Variants in ELAVL3 observed in about 807,000 individuals in gnomAD.
ELAVL3 encodes ELAV like RNA binding protein 3, also known as ELAV-like protein 3.
A neutral mutation model predicts 34.2 loss-of-function variants in ELAVL3; 8 were observed. The observed-to-expected ratio is 0.23, with a 90% CI of 0.14 to 0.42. ELAVL3 has a LOEUF of 0.42. ELAVL3 is among the 10% of genes least tolerant of loss of function. The pLI is 1.00. For missense variants in ELAVL3, 273 were observed against 518.8 expected (o/e 0.53, Z 4.60); for synonymous variants, 209 against 222.1 (o/e 0.94, Z 0.53).
chr19:11,473,384 G>GAAAAGA (rs1265275438), intron 1 of ELAVL3, among the ~76,000 whole-genome samples: 5 of 151,938 alleles, frequency 3.3e-5, no homozygotes, highest in South Asian at 2.1e-4. Flanking sequence ...AAAGAGAAAA[G>GAAAAGA]AAAAGAAAAA....
chr19:11,465,020 TACACACACCAC>T (rs1256181544), intron 3 of ELAVL3, among the ~76,000 whole-genome samples: 14 of 49,742 alleles, frequency 2.8e-4, no homozygotes, highest in East Asian at 1.6e-3. Context: ...TACATACACA[TACACACACCAC>T]ACACACACCA....
Position 11,453,791 on chromosome 19 carries a change from AC to A in ELAVL3, c.*734del, listed in dbSNP as rs1470110877. The A allele has an allele frequency of 1.7e-5, 1 of 57,292 alleles. No homozygotes were observed. The highest frequency in any genetic ancestry group is 6.6e-5 in the African/African-American group (1 of 15,234). The allele number at this position is 57,292 out of a possible 1,614,324, so 3.5% of individuals were successfully genotyped here. ...AAGCCCTGCTCCCTGGGCCCCCCCC[AC>A]CCCCGCCCCAGTTGGTAAACATAAC... is the stretch of plus-strand genomic sequence containing the variant. On this transcript the variant is annotated 3_prime_UTR_variant, in exon 7 of 7. Coordinates refer to ENST00000359227, the MANE Select transcript of ELAVL3 (RefSeq NM_001420.4).
chr19:11,467,217 G>A (rs1224966058), intron 1 of ELAVL3, among the ~76,000 whole-genome samples: 3 of 152,068 alleles, frequency 2.0e-5, no homozygotes, highest in African/African-American at 7.2e-5. Flanking sequence ...GAGGTCGGGA[G>A]TTCGAGACCA....
In ELAVL3 at chr19:11,453,475, G is replaced by A. The variant is rs117845984; in HGVS notation, c.*1051C>T. 0.043 allele frequency: 6,575 copies of A among 152,842 alleles called. 172 individuals are homozygous for A. Among genetic ancestry groups the A allele is most frequent in the East Asian group, 0.079 (408 of 5,188 alleles). 9.5% of individuals were successfully genotyped at this position (152,842 alleles called of 1,614,324 possible). A position where few individuals can be genotyped will look rare whatever the true frequency, so the allele number is the denominator to read the frequency against. On this transcript the variant is annotated 3_prime_UTR_variant, in exon 7 of 7. Coordinates refer to ENST00000359227, the MANE Select transcript of ELAVL3 (RefSeq NM_001420.4). ...TCCTGGGTGGTGTTTGTGTTTCTCC[G>A]TGACCTGGTGTCCAAATTTGATGTC...
At chr19:11,474,985 C>T (rs538656243) in intron 1 of ELAVL3, among the ~76,000 whole-genome samples, 115 of 152,216 alleles carry the variant, frequency 7.6e-4, no homozygotes, top group African/African-American at 1.1e-3. Context: ...CCCACCACCA[C>T]GCCTGGCTAA....
rs1292207004 is a variant in ELAVL3, at chr19:11,458,855, A to G, written c.334-244T>C. On this transcript the variant is annotated intron_variant, in intron 3 of 6. Transcript: ENST00000359227. The surrounding 1 kb of genome is among the most constrained non-coding windows in gnomAD (Gnocchi z 7.3). Reference sequence around the variant, plus strand: ...TGGGGACCTGCCACCTAGGGAGGACATGTCTCCCTGGGGTGACATGTGACC... The same window carrying G: ...TGGGGACCTGCCACCTAGGGAGGACGTGTCTCCCTGGGGTGACATGTGACC... 1.3e-5 allele frequency among the ~76,000 whole-genome samples: 2 copies of G among 152,044 alleles called. No individual in the cohort carries two copies. Among genetic ancestry groups the G allele is most frequent in the East Asian group, 3.8e-4 (2 of 5,196 alleles).
At chr19:11,461,510 T>C (rs1387266316) in intron 3 of ELAVL3, among the ~76,000 whole-genome samples, 3 of 143,398 alleles carry the variant, frequency 2.1e-5, no homozygotes, top group African/African-American at 7.8e-5. Context: ...CTTCCTTCTT[T>C]CCTTCCACTC....
chr19:11,478,726 G>C (rs1301518377), intron 1 of ELAVL3, among the ~76,000 whole-genome samples: 1 of 151,742 alleles, frequency 6.6e-6, no homozygotes, highest in Admixed American at 6.6e-5. Context: ...TTCCACCATC[G>C]CACATACATC....
intron 1 of ELAVL3, among the ~76,000 whole-genome samples, chr19:11,470,512 C>CA (rs56714750): frequency 0.13 from 16,234 of 124,752 alleles, 1,731 homozygotes; most frequent in African/African-American, 0.31. Flanking sequence ...ACTAGAAATA[C>CA]AAAAAAAAAA....
rs755203589 is a variant in ELAVL3 at position 11,454,837 on chromosome 19, C to T, written c.793G>A (p.Asp265Asn). 3.7e-6 allele frequency: 6 copies of T among 1,606,714 alleles called. No homozygotes were observed. Among genetic ancestry groups the T allele is most frequent in the Middle Eastern group, 1.7e-4 (1 of 6,058 alleles). ...ACGCCCGCCAGGCCGCTCATACCAT[C>T]GATGGCGATCGGCGAGAACCTGGCG... The part of the protein sequence containing the change: ...LIARFSPIAI[D>N]GMSGLAGVGL... The change falls in exon 7 of 7, where the codon GAT (aspartate) becomes AAT (asparagine). Residue 265 changes from aspartate to asparagine, a missense_variant. Transcript: ENST00000359227. This position sits in a 1 kb window ranked among gnomAD's most constrained non-coding sequence, Gnocchi z 9.2.
chr19:11,469,878 C>G (rs980644938), intron 1 of ELAVL3, among the ~76,000 whole-genome samples: 3 of 151,720 alleles, frequency 2.0e-5, no homozygotes, highest in Non-Finnish European at 1.5e-5. Context: ...GGCAACATGG[C>G]GAAACCCTGT....
intron 1 of ELAVL3, among the ~76,000 whole-genome samples, chr19:11,468,592 T>C (rs1457922491): frequency 1.3e-5 from 2 of 152,066 alleles, no homozygotes; most frequent in African/African-American, 4.8e-5. Context: ...TTTTTTTGTG[T>C]GTTTTTAGTA....
intron 1 of ELAVL3, among the ~76,000 whole-genome samples, chr19:11,478,500 C>G (rs1270125214): frequency 6.6e-6 from 1 of 152,130 alleles, no homozygotes. Context: ...TGGCCCCAGA[C>G]AGAGATGGGG....
rs1970656425 is a variant in ELAVL3, at chr19:11,452,053, A to T, written c.*2473T>A. 6.6e-6 allele frequency: 1 copy of T among 152,258 alleles called. No homozygotes were observed. The highest frequency in any genetic ancestry group is 2.4e-5 in the African/African-American group (1 of 41,458). 9.4% of individuals were successfully genotyped at this position (152,258 alleles called of 1,614,324 possible). On this transcript the variant is annotated 3_prime_UTR_variant, in exon 7 of 7. Coordinates refer to ENST00000359227, the MANE Select transcript of ELAVL3 (RefSeq NM_001420.4). ...ACCACGAGAATAAATAGGTTCGTGT[A>T]TCAAGAACAAGCTAGGGATTTCACC... is the stretch of plus-strand genomic sequence containing the variant.
rs1304058631 is a variant in ELAVL3 at position 11,454,545 on chromosome 19, C to G, written c.1085G>C (p.Ser362Thr). The change falls in exon 7 of 7, where the codon AGC becomes ACC. Residue 362 changes from serine to threonine, a missense_variant. Coordinates refer to ENST00000359227, the MANE Select transcript of ELAVL3 (RefSeq NM_001420.4). This position sits in a 1 kb window ranked among gnomAD's most constrained non-coding sequence, Gnocchi z 9.2. ...GTGGGCTCACGCCTTGTGCTGTTTG[C>G]TGGTCTTGAAGGAGACCTGCAGCAC... ...ERVLQVSFKT[S>T]KQHKA 6.2e-7 allele frequency: 1 copy of G among 1,609,848 alleles called. No individual in the cohort carries two copies. The highest frequency in any genetic ancestry group is 1.7e-5 in the Admixed American group (1 of 59,906).
chr19:11,454,181 G>A lies in ELAVL3; in HGVS notation c.*345C>T. On this transcript the variant is annotated 3_prime_UTR_variant, in exon 7 of 7. Coordinates refer to ENST00000359227, the MANE Select transcript of ELAVL3 (RefSeq NM_001420.4). The surrounding 1 kb of genome is among the most constrained non-coding windows in gnomAD (Gnocchi z 9.2). ...GAGCCCCCCAAGCCATCCCATCGGG[G>A]GTGGTCGAGGGTGGGGGTGGGGGCA... 2 of 227,964 alleles carry A rather than the reference G, an allele frequency of 8.8e-6. No individual in the cohort carries two copies. Among genetic ancestry groups the A allele is most frequent in the Non-Finnish European group, 1.7e-5 (2 of 114,974 alleles). 14.1% of individuals were successfully genotyped at this position (227,964 alleles called of 1,614,324 possible).
chr19:11,455,228 AG>A (rs1476701024), intron 6 of ELAVL3, among the ~76,000 whole-genome samples: 1 of 150,502 alleles, frequency 6.6e-6, no homozygotes, highest in Non-Finnish European at 1.5e-5. Flanking sequence ...TCGAACTCTC[AG>A]GCTCAAGCAA....
Position 11,466,601 on chromosome 19 carries a change from G to A in ELAVL3, c.229+7C>T. The A allele has an allele frequency of 1.9e-6, 3 of 1,613,610 alleles. No individual in the cohort carries two copies. The highest frequency in any genetic ancestry group is 2.5e-6 in the Non-Finnish European group (3 of 1,179,926). On this transcript the variant is annotated splice_region_variant and intron_variant, in intron 2 of 6. Transcript: ENST00000359227. The surrounding 1 kb of genome is among the most constrained non-coding windows in gnomAD (Gnocchi z 5.0). ...TCTGTTCCTCCCCGCAACTCCAGCA[G>A]CCACACCTGTGATCTTGTCCCGAAC...
In ELAVL3 at chr19:11,466,514, C is replaced by T. The variant is rs530577966; in HGVS notation, c.229+94G>A. The T allele has an allele frequency of 7.7e-6, 11 of 1,423,754 alleles. No individual in the cohort carries two copies. The highest frequency in any genetic ancestry group is 2.8e-5 in the African/African-American group (2 of 70,968). The allele number at this position is 1,423,754 out of a possible 1,614,324, so 88.2% of individuals were successfully genotyped here. ...GACCACCTCCTGCCTCGATTACCCCCGAGACACCTCAGCAAGGGTCCCACC... is the reference window on the plus strand; with the variant it reads ...GACCACCTCCTGCCTCGATTACCCCTGAGACACCTCAGCAAGGGTCCCACC... On this transcript the variant is annotated intron_variant, in intron 2 of 6. Transcript: ENST00000359227. The surrounding 1 kb of genome is among the most constrained non-coding windows in gnomAD (Gnocchi z 5.0).
Sources: allele counts gnomAD v4.1 joint callset (sites outside exome capture counted in the v4.1 genomes callset), GRCh38; gene constraint gnomAD v4.1.1; non-coding constraint Gnocchi (gnomAD v3.1); transcripts MANE v1.5; gene names NCBI Gene and HGNC (gene_info 2026-07-23, HGNC 2026-07-21).